The following IL31RA variants were observed in gnomAD, a reference collection of about 807,000 sequenced individuals.
IL31RA encodes the protein interleukin 31 receptor A.
In IL31RA, 66 loss-of-function variants were observed where a neutral mutation model predicts 83.7. That is an observed-to-expected ratio of 0.79 (90% confidence interval 0.65 to 0.97). The LOEUF (loss-of-function observed/expected upper bound fraction) is 0.97. Among genes scored for constraint, IL31RA ranks in the 50% least tolerant of loss-of-function variants. IL31RA has a pLI of 0.00. For missense variants in IL31RA, 798 were observed against 919.4 expected, an observed-to-expected ratio of 0.87 and a Z score of 1.71; for synonymous variants, 325 against 329.0, an observed-to-expected ratio of 0.99 and a Z score of 0.13.
In IL31RA at chr5:55,907,351, T is replaced by C; in HGVS notation, c.1253-8T>C. The C allele has an allele frequency of 6.3e-7, 1 of 1,595,566 alleles. No homozygotes were observed. Among genetic ancestry groups the C allele is most frequent in the Non-Finnish European group, 8.6e-7 (1 of 1,163,170 alleles). On this transcript the variant is annotated splice_region_variant and splice_polypyrimidine_tract_variant and intron_variant, in intron 9 of 14. Transcript: ENST00000652347. ...GCACTTACACTTTTTTTTCTTTCTT[T>C]TTCACAGATAAATTAAAACCTTTCT...
chr5:55,917,353 G>T lies in IL31RA; in HGVS notation c.*233G>T, dbSNP rs900759568. 21 of 1,390,306 alleles carry T rather than the reference G, an allele frequency of 1.5e-5. No homozygotes were observed. Among genetic ancestry groups the T allele is most frequent in the Non-Finnish European group, 1.8e-5 (19 of 1,070,564 alleles). 86.1% of individuals were successfully genotyped at this position (1,390,306 alleles called of 1,614,324 possible). A position where few individuals can be genotyped will look rare whatever the true frequency, so the allele number is the denominator to read the frequency against. ...TGTAAAGGAACAGCAGTCTCTTTTC[G>T]TTTGTTCAGATACCAAGCTCTCACC... On this transcript the variant is annotated 3_prime_UTR_variant, in exon 15 of 15. Transcript: ENST00000652347.
upstream of IL31RA, among the ~76,000 whole-genome samples, chr5:55,847,329 T>G (rs546209939): frequency 1.4e-3 from 210 of 151,740 alleles, 1 homozygote; most frequent in Middle Eastern, 0.017. Context: ...GCGCAGTGGC[T>G]CACACCTGTA....
intron 8 of IL31RA, 31 bp from the exon 9 acceptor site, chr5:55,906,075 G>A: frequency 6.2e-7 from 1 of 1,610,360 alleles, no homozygotes. Context: ...GAGTTGGGTA[G>A]CTGTGAAGCA....
rs1219741584 is a variant in IL31RA, at chr5:55,906,356, T to A, written c.1252+68T>A. ...GGTTTCATTTTCATCCATTTTTAGATCTTTAACTTTGGCTTCAAAGCTGTT... is the reference window on the plus strand; with the variant it reads ...GGTTTCATTTTCATCCATTTTTAGAACTTTAACTTTGGCTTCAAAGCTGTT... On this transcript the variant is annotated intron_variant, in intron 9 of 14. Transcript: ENST00000652347. 4 of 1,479,948 alleles carry A rather than the reference T, an allele frequency of 2.7e-6. No individual in the cohort carries two copies. The East Asian group carries it at 9.1e-5, about 34-fold the overall frequency. The allele number at this position is 1,479,948 out of a possible 1,614,324, so 91.7% of individuals were successfully genotyped here.
Position 55,882,243 on chromosome 5 carries a change from G to A in IL31RA, c.455-801G>A, listed in dbSNP as rs955498505. 1.1e-4 allele frequency among the ~76,000 whole-genome samples: 17 copies of A among 152,236 alleles called. 1 individual carries two copies. The highest frequency in any genetic ancestry group is 3.6e-4 in the African/African-American group (15 of 41,546). ...AGCTACCTACTGTAATACCATGAATGTGCGATAATAGAACATAAGTCAAAA... is the reference window on the plus strand; with the variant it reads ...AGCTACCTACTGTAATACCATGAATATGCGATAATAGAACATAAGTCAAAA... On this transcript the variant is annotated intron_variant, in intron 4 of 14. Transcript: ENST00000652347.
chr5:55,896,488 C>G (rs1318388005), intron 7 of IL31RA, 59 bp downstream of exon 7: 3 of 947,582 alleles, frequency 3.2e-6, no homozygotes, highest in Non-Finnish European at 5.1e-6. Flanking sequence ...CTTTCCCTCC[C>G]TTCCCTCCCT....
At chr5:55,904,840 T>TTC (rs1220210155) in intron 8 of IL31RA, among the ~76,000 whole-genome samples, 2 of 150,902 alleles carry the variant, frequency 1.3e-5, no homozygotes, top group Non-Finnish European at 3.0e-5. Flanking sequence ...GGTTTCTTTT[T>TTC]TTTTTTTTTT....
intron 2 of IL31RA, among the ~76,000 whole-genome samples, chr5:55,861,443 A>G (rs1745680115): frequency 6.6e-6 from 1 of 152,192 alleles, no homozygotes; most frequent in Non-Finnish European, 1.5e-5. Context: ...CCTATTGTGA[A>G]CTGTGCATAT....
intron 7 of IL31RA, among the ~76,000 whole-genome samples, chr5:55,897,015 ATTTT>A (rs1178147444): frequency 1.2e-3 from 1 of 842 alleles, no homozygotes; most frequent in Non-Finnish European, 2.1e-3. Flanking sequence ...ATATATATAT[ATTTT>A]TTTTTTTTTT....
rs371988926 is a variant in IL31RA at position 55,896,395 on chromosome 5, C to T, written c.818C>T (p.Ala273Val). The T allele has an allele frequency of 4.6e-5, 74 of 1,613,646 alleles. No individual in the cohort carries two copies. Among genetic ancestry groups the T allele is most frequent in the Non-Finnish European group, 5.7e-5 (67 of 1,179,644 alleles). Residue 273 changes from alanine (A) to valine (V), a missense_variant, in exon 7 of 15, where the codon GCG (alanine) becomes GTG (valine). Ala to Val is a moderately conservative substitution (Grantham distance 64). Transcript: ENST00000652347. ...TGGAGAGTCCTGAAACCAGCTGAGG[C>T]GGATGGAAGAAGGCCAGTGCGGTTG... ...ELWRVLKPAE[A>V]DGRRPVRLLW...
chr5:55,856,202 CT>C (rs1745354385), intron 1 of IL31RA, among the ~76,000 whole-genome samples: 1 of 152,164 alleles, frequency 6.6e-6, no homozygotes, highest in African/African-American at 2.4e-5. Context: ...TGGCCAACAT[CT>C]TTAAGCATAG....
chr5:55,841,324 CA>C, the IL31RA span, among the ~76,000 whole-genome samples: 2 of 152,096 alleles, frequency 1.3e-5, no homozygotes, highest in Non-Finnish European at 2.9e-5. Context: ...TAGCAATTTC[CA>C]TTTTATTTTC....
rs998907973 is a variant in IL31RA at position 55,898,211 on chromosome 5, A to G, written c.853-1705A>G. On this transcript the variant is annotated intron_variant, in intron 7 of 14. Transcript: ENST00000652347. ...CACGCCCACATGTGGTCTTAGCTAC[A>G]TAGCAGTGGCGAAGGGCCAAGTAGG... Among the ~76,000 whole-genome samples the G allele has an allele frequency of 2.6e-5, 4 of 152,314 alleles. No individual in the cohort carries two copies. In the South Asian group the frequency reaches 8.3e-4, roughly 32 times the overall value.
Position 55,889,547 on chromosome 5 carries a change from T to C in IL31RA, c.607-423T>C, listed in dbSNP as rs139295971. 3.9e-5 allele frequency among the ~76,000 whole-genome samples: 6 copies of C among 152,328 alleles called. No homozygotes were observed. In the East Asian group the frequency reaches 1.2e-3, roughly 29 times the overall value. On this transcript the variant is annotated intron_variant, in intron 5 of 14. Coordinates refer to ENST00000652347, the MANE Select transcript of IL31RA (RefSeq NM_139017.7). ...ACTTTCCTGGGTCTCGTGGATGACG[T>C]GAGGATTGCATTTGATGCAGCTAAG...
At chr5:55,916,475 A>G (rs987209672) in intron 14 of IL31RA, among the ~76,000 whole-genome samples, 169 bp from the exon 15 acceptor site, 10 of 152,138 alleles carry the variant, frequency 6.6e-5, no homozygotes, top group African/African-American at 2.4e-4. Flanking sequence ...ACTCCTTCCA[A>G]GCTCTGTGGA....
At chr5:55,869,781 C>G (rs1226829737) in intron 3 of IL31RA, among the ~76,000 whole-genome samples, 1 of 152,078 alleles carries the variant, frequency 6.6e-6, no homozygotes, top group Non-Finnish European at 1.5e-5. Flanking sequence ...TCCTTTTTAA[C>G]AAAAATTTTT....
chr5:55,857,904 G>A (rs1037680493), intron 1 of IL31RA, among the ~76,000 whole-genome samples: 2 of 152,138 alleles, frequency 1.3e-5, no homozygotes, highest in African/African-American at 4.8e-5. Context: ...AATGCCTGAG[G>A]TCACCAGTTT....
At chr5:55,892,467 C>G (rs907041930) in intron 6 of IL31RA, among the ~76,000 whole-genome samples, 1 of 152,200 alleles carries the variant, frequency 6.6e-6, no homozygotes, top group Admixed American at 6.5e-5. Flanking sequence ...AGTATTAACA[C>G]TAGTATTAAC....
At chr5:55,910,402 G>A in intron 11 of IL31RA, 130 bp from the exon 12 acceptor site, 1 of 944,860 alleles carries the variant, frequency 1.1e-6, no homozygotes, top group East Asian at 2.5e-5. Flanking sequence ...AGCAGGACAT[G>A]AATAGGGGTC....
Sources: allele counts gnomAD v4.1 joint callset (sites outside exome capture counted in the v4.1 genomes callset), GRCh38; gene constraint gnomAD v4.1.1; transcripts MANE v1.5; gene names NCBI Gene and HGNC (gene_info 2026-07-23, HGNC 2026-07-21).